The following BANK1 variants were observed in gnomAD, a reference collection of about 807,000 sequenced individuals.
BANK1 encodes B cell scaffold protein with ankyrin repeats 1.
A neutral mutation model predicts 94.5 loss-of-function variants in BANK1; 95 were observed. The ratio of observed to expected loss-of-function variants is 1.00; its 90% CI spans 0.85 to 1.19. BANK1 has a LOEUF of 1.19. Ranked by LOEUF, BANK1 falls within the 50% of genes most tolerant of loss-of-function variation. The probability of loss-of-function intolerance (pLI) is 0.00; values close to 1 mark genes in which losing one functional copy is unlikely to be tolerated. For missense variants in BANK1, 987 were observed against 932.2 expected (o/e 1.06, Z -0.77); for synonymous variants, 334 against 308.4 (o/e 1.08, Z -0.87).
intron 1 of BANK1, among the ~76,000 whole-genome samples, chr4:101,799,532 G>C (rs1404335934): frequency 2.0e-5 from 3 of 152,164 alleles, no homozygotes; most frequent in Non-Finnish European, 4.4e-5. Context: ...ATTCACAATA[G>C]CAAAGACTTG....
chr4:101,922,055 T>TGTGTGTGTGTGA lies in BANK1; in HGVS notation c.1206+3867_1206+3868insTGTGTGTGTGAG, dbSNP rs1491163025. On this transcript the variant is annotated intron_variant, in intron 7 of 16. Coordinates refer to ENST00000322953, the MANE Select transcript of BANK1 (RefSeq NM_017935.5). ...GTGTGTGTGTGTGTGTGTGTGTGTG[T>TGTGTGTGTGTGA]GAGACAGAGAGATTTTGTTGCCCTC... Among the ~76,000 whole-genome samples, 262 of 144,366 alleles carry TGTGTGTGTGTGA rather than the reference T, an allele frequency of 1.8e-3. 1 individual carries two copies. Among genetic ancestry groups the TGTGTGTGTGTGA allele is most frequent in the African/African-American group, 6.3e-3 (247 of 39,332 alleles). The allele number at this position is 144,366 out of a possible 152,430, so 94.7% of individuals were successfully genotyped here.
At chr4:101,791,361 C>T (rs1015343218) in intron 1 of BANK1, among the ~76,000 whole-genome samples, 18 of 152,186 alleles carry the variant, frequency 1.2e-4, no homozygotes, top group African/African-American at 4.3e-4. Flanking sequence ...TCATGTGTAG[C>T]GTCACGCATT....
intron 6 of BANK1, among the ~76,000 whole-genome samples, chr4:101,912,981 T>A (rs1335319508): frequency 6.6e-6 from 1 of 152,222 alleles, no homozygotes; most frequent in Admixed American, 6.5e-5. Context: ...TACTGCTTTG[T>A]GGCCCTGATT....
At chr4:101,808,486 A>G (rs900667418) in intron 1 of BANK1, among the ~76,000 whole-genome samples, 1 of 152,204 alleles carries the variant, frequency 6.6e-6, no homozygotes, top group African/African-American at 2.4e-5. Flanking sequence ...AGCTAGAAAA[A>G]TTGTGTCTTT....
intron 1 of BANK1, among the ~76,000 whole-genome samples, chr4:101,804,293 C>T (rs1344882563): frequency 6.6e-6 from 1 of 152,032 alleles, no homozygotes; most frequent in African/African-American, 2.4e-5. Flanking sequence ...ATTTTGTGGC[C>T]ACCTCCTGTT....
At chr4:101,792,226 A>G (rs1056757037) in intron 1 of BANK1, among the ~76,000 whole-genome samples, 2 of 150,896 alleles carry the variant, frequency 1.3e-5, no homozygotes, top group Admixed American at 6.6e-5. Context: ...TAGCATTCCA[A>G]TTATTCTTGT....
intron 7 of BANK1, among the ~76,000 whole-genome samples, chr4:101,941,350 A>G (rs1723736164): frequency 6.6e-6 from 1 of 151,768 alleles, no homozygotes; most frequent in Admixed American, 6.6e-5. Context: ...AATAGTAGAA[A>G]TTAAGATCTG....
At chr4:101,950,060 T>TGTGCGCGCGC (rs369393040) in intron 7 of BANK1, among the ~76,000 whole-genome samples, 2 of 139,404 alleles carry the variant, frequency 1.4e-5, no homozygotes, top group African/African-American at 6.3e-5. Context: ...TGTGTGTGTG[T>TGTGCGCGCGC]GCGCGTGCGC....
rs908455175 is a variant in BANK1 at position 101,790,773 on chromosome 4, G to A, written c.-108G>A. On this transcript the variant is annotated 5_prime_UTR_variant, in exon 1 of 17. Transcript: ENST00000322953. ...CCGCGGGTGGCAAGCGGGCTGGGGA[G>A]AGCCGAGGGCCAAAGGAAGAGAAAA... is the stretch of plus-strand genomic sequence containing the variant. 8.1e-7 allele frequency: 1 copy of A among 1,232,040 alleles called. No homozygotes were observed. Among genetic ancestry groups the A allele is most frequent in the South Asian group, 1.3e-5 (1 of 77,264 alleles). The allele number at this position is 1,232,040 out of a possible 1,614,324, so 76.3% of individuals were successfully genotyped here. A position where few individuals can be genotyped will look rare whatever the true frequency, so the allele number is the denominator to read the frequency against.
At chr4:101,868,093 G>A (rs916679553) in intron 4 of BANK1, among the ~76,000 whole-genome samples, 6 of 151,982 alleles carry the variant, frequency 3.9e-5, no homozygotes, top group African/African-American at 1.4e-4. Context: ...TAAGACACGG[G>A]TAAATCAAAA....
intron 7 of BANK1, among the ~76,000 whole-genome samples, chr4:101,948,240 G>T (rs552252835): frequency 6.6e-6 from 1 of 152,128 alleles, no homozygotes; most frequent in South Asian, 2.1e-4. Flanking sequence ...TGTGGGGGTG[G>T]CTACCACCAG....
chr4:101,996,887 T>G (rs1272900295), intron 7 of BANK1, among the ~76,000 whole-genome samples: 1 of 152,230 alleles, frequency 6.6e-6, no homozygotes, highest in Non-Finnish European at 1.5e-5. Context: ...AGAGACAATT[T>G]GACTTCCTCT....
chr4:101,936,491 C>T (rs1218798995), intron 7 of BANK1, among the ~76,000 whole-genome samples: 2 of 149,860 alleles, frequency 1.3e-5, no homozygotes, highest in East Asian at 4.0e-4. Context: ...CATGTGTATA[C>T]ATATATGTAT....
intron 7 of BANK1, among the ~76,000 whole-genome samples, chr4:101,986,335 A>T (rs909489499): frequency 6.6e-6 from 1 of 152,060 alleles, no homozygotes; most frequent in Non-Finnish European, 1.5e-5. Flanking sequence ...AACTCCCTAG[A>T]TACCAAATGG....
chr4:101,798,368 G>C (rs563625769), intron 1 of BANK1, among the ~76,000 whole-genome samples: 12 of 152,286 alleles, frequency 7.9e-5, no homozygotes, highest in African/African-American at 2.6e-4. Flanking sequence ...GTTCTCAAAA[G>C]CCGATGGCGT....
In BANK1 at chr4:101,790,768, G is replaced by C; in HGVS notation, c.-113G>C. On this transcript the variant is annotated 5_prime_UTR_variant, in exon 1 of 17. Coordinates refer to ENST00000322953, the MANE Select transcript of BANK1 (RefSeq NM_017935.5). ...AGCCTCCGCGGGTGGCAAGCGGGCT[G>C]GGGAGAGCCGAGGGCCAAAGGAAGA... 2.5e-6 allele frequency: 3 copies of C among 1,182,996 alleles called. No individual in the cohort carries two copies. The highest frequency in any genetic ancestry group is 3.6e-6 in the Non-Finnish European group (3 of 828,468). 73.3% of individuals were successfully genotyped at this position (1,182,996 alleles called of 1,614,324 possible). A position where few individuals can be genotyped will look rare whatever the true frequency, so the allele number is the denominator to read the frequency against.
intron 10 of BANK1, among the ~76,000 whole-genome samples, chr4:102,040,550 G>A (rs1471070266): frequency 2.0e-5 from 3 of 151,976 alleles, no homozygotes; most frequent in African/African-American, 7.2e-5. Context: ...TAATTACTTT[G>A]ATAGCATGTT....
intron 5 of BANK1, among the ~76,000 whole-genome samples, chr4:101,884,774 A>T (rs1728788774): frequency 6.6e-6 from 1 of 152,166 alleles, no homozygotes; most frequent in South Asian, 2.1e-4. Context: ...AACAGTTCTA[A>T]CACTTTAGTC....
At chr4:102,034,055 G>T (rs1200229132) in intron 10 of BANK1, among the ~76,000 whole-genome samples, 1 of 151,548 alleles carries the variant, frequency 6.6e-6, no homozygotes, top group Non-Finnish European at 1.5e-5. Context: ...CCTAGCTTGG[G>T]CAGATCTATT....
Sources: gnomAD v4.1 joint callset for allele counts (sites outside exome capture counted in the v4.1 genomes callset) on GRCh38, gnomAD v4.1.1 for gene constraint, MANE v1.5 for transcripts, NCBI Gene and HGNC (gene_info 2026-07-23, HGNC 2026-07-21) for gene names.